Variants in PKD1L1 observed in about 807,000 individuals in gnomAD.
The protein encoded by PKD1L1 is polycystin-1-like protein 1.
PKD1L1 carries 236 observed loss-of-function variants against 323.4 expected under a neutral mutation model. That is an observed-to-expected ratio of 0.73 (90% CI 0.66 to 0.81). The LOEUF is 0.81. PKD1L1 is among the 40% of genes least tolerant of loss of function. The pLI is 0.00. For missense variants in PKD1L1, 3,320 were observed against 3,508.0 expected (o/e 0.95, Z 1.35); for synonymous variants, 1,344 against 1,335.0 (o/e 1.01, Z -0.15).
At chr7:47,937,271 G>C (rs1424505014) in intron 3 of PKD1L1, among the ~76,000 whole-genome samples, 1 of 85,356 alleles carries the variant, frequency 1.2e-5, no homozygotes, top group Admixed American at 1.2e-4. Context: ...GGGGGGGGGG[G>C]CGCGGTGCTT....
intron 8 of PKD1L1, among the ~76,000 whole-genome samples, 168 bp downstream of exon 8, chr7:47,915,264 T>C (rs79391582): frequency 6.6e-6 from 1 of 152,336 alleles, no homozygotes; most frequent in African/African-American, 2.4e-5. Flanking sequence ...AGCTATCCCA[T>C]GAGTGGCTAT....
At chr7:47,823,272 T>C (rs1785182522) in intron 45 of PKD1L1, among the ~76,000 whole-genome samples, 1 of 151,988 alleles carries the variant, frequency 6.6e-6, no homozygotes, top group Non-Finnish European at 1.5e-5. Context: ...TGAGAGGTTC[T>C]TTTTTTTGGA....
chr7:47,792,823 A>G, intron 55 of PKD1L1, 26 bp from the exon 56 acceptor site: 1 of 1,583,534 alleles, frequency 6.3e-7, no homozygotes, highest in Non-Finnish European at 8.7e-7. Context: ...TTAGATTAGT[A>G]AATGCATTCA....
intron 19 of PKD1L1, 68 bp from the exon 20 acceptor site, chr7:47,882,153 A>G (rs1178970483): frequency 3.4e-6 from 5 of 1,462,760 alleles, no homozygotes; most frequent in Admixed American, 1.9e-5. Context: ...AGCATTAGTG[A>G]TTCAATGCTG....
intron 40 of PKD1L1, among the ~76,000 whole-genome samples, chr7:47,833,574 G>A (rs1785393807): frequency 6.6e-6 from 1 of 152,170 alleles, no homozygotes; most frequent in Non-Finnish European, 1.5e-5. Context: ...AGAGCAACGG[G>A]TTGAACAAAG....
chr7:47,944,965 C>A (rs143180456), intron 1 of PKD1L1, among the ~76,000 whole-genome samples: 108 of 152,292 alleles, frequency 7.1e-4, no homozygotes, highest in Admixed American at 1.2e-3. Flanking sequence ...CCATTCCCAG[C>A]GACAGGGCAA....
At chr7:47,806,774 G>C (rs1209917384) in intron 52 of PKD1L1, among the ~76,000 whole-genome samples, 1 of 152,220 alleles carries the variant, frequency 6.6e-6, no homozygotes, top group African/African-American at 2.4e-5. Context: ...AATAACTGTT[G>C]AATGTGCTAG....
intron 7 of PKD1L1, among the ~76,000 whole-genome samples, chr7:47,918,216 C>T (rs1319111870): frequency 6.6e-6 from 1 of 152,018 alleles, no homozygotes; most frequent in Non-Finnish European, 1.5e-5. Context: ...AACTTTAAAG[C>T]AACAGCAGTT....
chr7:47,859,522 A>G (rs1785979026), intron 26 of PKD1L1, among the ~76,000 whole-genome samples: 1 of 151,646 alleles, frequency 6.6e-6, no homozygotes, highest in African/African-American at 2.4e-5. Context: ...TCTGTCACCC[A>G]GGCTGGAGTG....
At chr7:47,805,900 A>G (rs1002254026) in intron 52 of PKD1L1, among the ~76,000 whole-genome samples, 3 of 152,158 alleles carry the variant, frequency 2.0e-5, no homozygotes, top group African/African-American at 7.2e-5. Flanking sequence ...GATTATATAG[A>G]ATTTATGCAG....
intron 13 of PKD1L1, among the ~76,000 whole-genome samples, chr7:47,900,913 A>G (rs935436485): frequency 1.3e-5 from 2 of 152,206 alleles, no homozygotes; most frequent in Admixed American, 6.5e-5. Flanking sequence ...GTTTGTGACA[A>G]ACACACATAC....
In PKD1L1 at chr7:47,941,414, G is replaced by T. The variant is rs577075724; in HGVS notation, c.161-1097C>A. ...TTCCAATCCCTGCACCCCAGCAGTG[G>T]TGCTGGCAGTCAGCTTGCCCCTAGC... On this transcript the variant is annotated intron_variant, in intron 2 of 56. Coordinates refer to ENST00000289672, the MANE Select transcript of PKD1L1 (RefSeq NM_138295.5). 7.4e-4 allele frequency among the ~76,000 whole-genome samples: 113 copies of T among 152,328 alleles called. 1 individual carries two copies. Among genetic ancestry groups the T allele is most frequent in the Non-Finnish European group, 1.4e-3 (97 of 68,026 alleles).
chr7:47,810,208 G>A (rs1314557592), intron 50 of PKD1L1, among the ~76,000 whole-genome samples: 6 of 152,120 alleles, frequency 3.9e-5, no homozygotes, highest in Admixed American at 3.3e-4. Context: ...GTGTCCCATT[G>A]GCCCGCTGTA....
chr7:47,893,687 C>T (rs371571010), intron 15 of PKD1L1, among the ~76,000 whole-genome samples, 191 bp downstream of exon 15: 2 of 152,196 alleles, frequency 1.3e-5, no homozygotes, highest in East Asian at 3.8e-4. Context: ...CCTTAAAAAG[C>T]GACTCACATT....
intron 3 of PKD1L1, among the ~76,000 whole-genome samples, chr7:47,937,511 T>C (rs1787895083): frequency 6.6e-6 from 1 of 152,084 alleles, no homozygotes; most frequent in African/African-American, 2.4e-5. Context: ...AGTTTCATTC[T>C]GAATGAGATG....
At chr7:47,793,362 G>C (rs952799462) in intron 55 of PKD1L1, among the ~76,000 whole-genome samples, 1 of 152,058 alleles carries the variant, frequency 6.6e-6, no homozygotes, top group Non-Finnish European at 1.5e-5. Flanking sequence ...GAGGGACCTG[G>C]GGGGAGGTAA....
chr7:47,795,984 C>T lies in PKD1L1; in HGVS notation c.8355+5G>A. The stretch of plus-strand genomic sequence containing the variant: ...TGCTCAGTAATCCAAGATCTCACAG[C>T]TTACGTGATTCTCAACCATCTCAGC... On this transcript the variant is annotated splice_donor_5th_base_variant and intron_variant, in intron 55 of 56. Coordinates refer to ENST00000289672, the MANE Select transcript of PKD1L1 (RefSeq NM_138295.5). 6.2e-7 allele frequency: 1 copy of T among 1,611,034 alleles called. No individual in the cohort carries two copies. Among genetic ancestry groups the T allele is most frequent in the Non-Finnish European group, 8.5e-7 (1 of 1,178,958 alleles).
At chr7:47,837,273 C>T (rs1239811960) in intron 36 of PKD1L1, among the ~76,000 whole-genome samples, 179 bp from the exon 37 acceptor site, 1 of 152,138 alleles carries the variant, frequency 6.6e-6, no homozygotes, top group Non-Finnish European at 1.5e-5. Context: ...GCACTCCCCA[C>T]ACTCTCTGGC....
chr7:47,795,888 A>G, intron 55 of PKD1L1, 101 bp downstream of exon 55: 2 of 1,376,082 alleles, frequency 1.5e-6, no homozygotes, highest in South Asian at 2.5e-5. Context: ...TTGGCATGGA[A>G]ACATACTCAT....
Sources: allele counts gnomAD v4.1 joint callset (sites outside exome capture counted in the v4.1 genomes callset), GRCh38; gene constraint gnomAD v4.1.1; transcripts MANE v1.5; gene names NCBI Gene and HGNC (gene_info 2026-07-23, HGNC 2026-07-21).